The following BTC variants were observed in gnomAD, a reference collection of about 807,000 sequenced individuals.
BTC encodes probetacellulin.
Under a neutral mutation model 18.1 loss-of-function variants are expected in BTC, and 13 were observed. The ratio of observed to expected loss-of-function variants is 0.72; its 90% CI spans 0.47 to 1.14. The LOEUF (loss-of-function observed/expected upper bound fraction) is 1.14, where lower values mean the gene tolerates loss of function less well. Ranked by LOEUF, BTC falls within the 50% of genes most tolerant of loss-of-function variation. The pLI is 0.00. For synonymous variants in BTC, 83 were observed against 79.4 expected (o/e 1.05, Z -0.24); for missense variants, 247 against 224.2 (o/e 1.10, Z -0.65).
chr4:74,758,373 A>T (rs1553956980), intron 2 of BTC, among the ~76,000 whole-genome samples: 1 of 152,172 alleles, frequency 6.6e-6, no homozygotes, highest in East Asian at 1.9e-4. Flanking sequence ...TCACCATATT[A>T]TATAAGAGAG....
intron 1 of BTC, among the ~76,000 whole-genome samples, chr4:74,783,351 T>C (rs1474626332): frequency 2.6e-5 from 4 of 152,180 alleles, no homozygotes; most frequent in Non-Finnish European, 5.9e-5. Context: ...GTTTATTAAA[T>C]AAGGATTCCT....
intron 1 of BTC, among the ~76,000 whole-genome samples, chr4:74,775,895 G>T (rs1184171190): frequency 6.6e-6 from 1 of 152,032 alleles, no homozygotes; most frequent in Admixed American, 6.6e-5. Flanking sequence ...ATATTTTATG[G>T]TATCATCAAG....
chr4:74,783,858 A>G (rs759917541), intron 1 of BTC, among the ~76,000 whole-genome samples: 6 of 151,736 alleles, frequency 4.0e-5, no homozygotes, highest in Non-Finnish European at 8.8e-5. Context: ...ATTTCTAGGT[A>G]TTTTACTCTT....
chr4:74,769,942 C>T (rs1305285496), intron 2 of BTC, 116 bp downstream of exon 2: 1 of 820,388 alleles, frequency 1.2e-6, no homozygotes, highest in Non-Finnish European at 1.9e-6. Flanking sequence ...ATATAAAGCA[C>T]TTAGCACAGT....
At position 74,748,035 on chromosome 4, in the gene BTC, C is replaced by T; in HGVS notation, c.*1+5G>A. The T allele has an allele frequency of 1.9e-6, 3 of 1,546,212 alleles. No individual in the cohort carries two copies. Among genetic ancestry groups the T allele is most frequent in the South Asian group, 2.3e-5 (2 of 86,306 alleles). On this transcript the variant is annotated splice_donor_5th_base_variant and intron_variant, in intron 5 of 5. Coordinates refer to ENST00000395743, the MANE Select transcript of BTC (RefSeq NM_001729.4). ...GTTTTCTATCAGCAAGTTTATCTCACTTACTTTAAGCAATATTTGTCTCTT... is the reference window on the plus strand; with the variant it reads ...GTTTTCTATCAGCAAGTTTATCTCATTTACTTTAAGCAATATTTGTCTCTT...
At chr4:74,769,681 T>A (rs370647098) in intron 2 of BTC, among the ~76,000 whole-genome samples, 23 of 152,322 alleles carry the variant, frequency 1.5e-4, no homozygotes, top group African/African-American at 5.5e-4. Flanking sequence ...TTGGGTAGAA[T>A]ATGTCAGCTT....
chr4:74,784,849 T>C lies in BTC; in HGVS notation c.64+9413A>G, dbSNP rs114667691. Among the ~76,000 whole-genome samples, 917 of 152,344 alleles carry C rather than the reference T, an allele frequency of 6.0e-3. 13 individuals are homozygous for C. Among genetic ancestry groups the C allele is most frequent in the African/African-American group, 0.021 (884 of 41,570 alleles). ...TGCCAGTCTTTTGTTGATTTTTGCA[T>C]CAACGTTCATCAAGGATATTGGCCT... On this transcript the variant is annotated intron_variant, in intron 1 of 5. Coordinates refer to ENST00000395743, the MANE Select transcript of BTC (RefSeq NM_001729.4).
At chr4:74,766,096 CA>C (rs1352119998) in intron 2 of BTC, among the ~76,000 whole-genome samples, 2 of 151,820 alleles carry the variant, frequency 1.3e-5, no homozygotes, top group Admixed American at 6.6e-5. Context: ...TAAAAGTTTG[CA>C]AATAGTATAT....
chr4:74,777,026 A>G (rs1725192687), intron 1 of BTC, among the ~76,000 whole-genome samples: 1 of 152,188 alleles, frequency 6.6e-6, no homozygotes, highest in Non-Finnish European at 1.5e-5. Flanking sequence ...ACATAAGCAG[A>G]AATTAGAAGA....
chr4:74,790,604 A>G (rs1424899589), intron 1 of BTC, among the ~76,000 whole-genome samples: 1 of 152,190 alleles, frequency 6.6e-6, no homozygotes, highest in African/African-American at 2.4e-5. Context: ...CCATCTGCCC[A>G]AAGGAGCATC....
intron 4 of BTC, among the ~76,000 whole-genome samples, chr4:74,749,678 AG>A (rs139429576): frequency 0.1 from 9,277 of 89,792 alleles, 511 homozygotes; most frequent in African/African-American, 0.15. Flanking sequence ...TTAATAAGAT[AG>A]TTTTTTTTGT....
intron 1 of BTC, among the ~76,000 whole-genome samples, chr4:74,775,058 G>C (rs949983685): frequency 6.6e-6 from 1 of 152,108 alleles, no homozygotes; most frequent in Non-Finnish European, 1.5e-5. Flanking sequence ...CAATCACAAA[G>C]ATACAAGGTA....
chr4:74,754,938 AACACACAC>A (rs33972204), intron 3 of BTC, among the ~76,000 whole-genome samples: 70 of 150,022 alleles, frequency 4.7e-4, no homozygotes, highest in Non-Finnish European at 7.9e-4. Flanking sequence ...TATCCCTCTC[AACACACAC>A]ACACACACAC....
intron 1 of BTC, among the ~76,000 whole-genome samples, chr4:74,790,322 T>C (rs975473136): frequency 6.6e-6 from 1 of 152,208 alleles, no homozygotes; most frequent in Non-Finnish European, 1.5e-5. Flanking sequence ...TGGCTTTACA[T>C]AGTATTGCAT....
chr4:74,747,010 TG>T (rs1553955565), intron 5 of BTC, among the ~76,000 whole-genome samples: 1 of 152,200 alleles, frequency 6.6e-6, no homozygotes, highest in Non-Finnish European at 1.5e-5. Context: ...CTCAGAATAG[TG>T]AGCAGAAAGA....
At chr4:74,774,726 C>T (rs374768001) in intron 1 of BTC, among the ~76,000 whole-genome samples, 1 of 151,950 alleles carries the variant, frequency 6.6e-6, no homozygotes, top group African/African-American at 2.4e-5. Flanking sequence ...CTGGCAAGCA[C>T]GTAGGCAACC....
intron 1 of BTC, among the ~76,000 whole-genome samples, chr4:74,792,275 T>C (rs367812415): frequency 9.2e-5 from 14 of 152,320 alleles, no homozygotes; most frequent in African/African-American, 3.4e-4. Context: ...GAGTGTACAA[T>C]AGCACTGGAT....
At chr4:74,788,146 G>T (rs889741101) in intron 1 of BTC, among the ~76,000 whole-genome samples, 5 of 152,172 alleles carry the variant, frequency 3.3e-5, no homozygotes, top group Non-Finnish European at 1.5e-5. Flanking sequence ...TGCAGAGATA[G>T]AACTGTATCA....
intron 5 of BTC, among the ~76,000 whole-genome samples, chr4:74,746,897 G>A (rs184923012): frequency 2.0e-5 from 3 of 152,328 alleles, no homozygotes; most frequent in East Asian, 3.9e-4. Flanking sequence ...GCTGTGGAAA[G>A]ACACTACTCT....
Sources: allele counts gnomAD v4.1 joint callset (sites outside exome capture counted in the v4.1 genomes callset), GRCh38; gene constraint gnomAD v4.1.1; transcripts MANE v1.5; gene names NCBI Gene and HGNC (gene_info 2026-07-23, HGNC 2026-07-21).